Variants in NUDT21 observed in about 807,000 individuals in gnomAD.
NUDT21 encodes the protein cleavage and polyadenylation specificity factor subunit 5.
NUDT21 carries 5 observed loss-of-function variants against 29.8 expected under a neutral mutation model. The observed-to-expected ratio is 0.17, with a 90% CI of 0.09 to 0.35. The LOEUF (loss-of-function observed/expected upper bound fraction) is 0.35. Ranked by LOEUF, NUDT21 falls within the 10% of genes least tolerant of loss-of-function variation. NUDT21 has a pLI of 1.00. For missense variants in NUDT21, 76 were observed against 276.0 expected, an observed-to-expected ratio of 0.28 and a Z score of 5.13; for synonymous variants, 113 against 98.5, an observed-to-expected ratio of 1.15 and a Z score of -0.87.
chr16:56,440,000 T>C (rs190926502), intron 3 of NUDT21, among the ~76,000 whole-genome samples: 21 of 152,348 alleles, frequency 1.4e-4, no homozygotes, highest in Admixed American at 9.8e-4. Context: ...TTAATTTGTA[T>C]AGCAGAACAC....
At chr16:56,442,365 C>T (rs540850269) in intron 3 of NUDT21, among the ~76,000 whole-genome samples, 83 of 152,320 alleles carry the variant, frequency 5.4e-4, no homozygotes, top group African/African-American at 1.9e-3. Context: ...TTTACCCACA[C>T]ACTTGATTTA....
chr16:56,433,980 T>A (rs1220347857), intron 6 of NUDT21, among the ~76,000 whole-genome samples: 1 of 152,188 alleles, frequency 6.6e-6, no homozygotes, highest in Non-Finnish European at 1.5e-5. Context: ...AGCCACTACA[T>A]CCAGCCAATT....
chr16:56,444,045 T>G (rs1181492380), intron 3 of NUDT21, among the ~76,000 whole-genome samples: 1 of 152,116 alleles, frequency 6.6e-6, no homozygotes, highest in Non-Finnish European at 1.5e-5. Flanking sequence ...GTAATCCCAA[T>G]GCTTTGGGAG....
intron 1 of NUDT21, 91 bp downstream of exon 1, chr16:56,450,996 G>A (rs999145107): frequency 2.1e-5 from 22 of 1,063,244 alleles, no homozygotes; most frequent in Admixed American, 3.6e-5. Flanking sequence ...AGGTGCAGAG[G>A]CGTGAAGCGC....
At chr16:56,441,353 C>A (rs1263921929) in intron 3 of NUDT21, among the ~76,000 whole-genome samples, 6 of 152,204 alleles carry the variant, frequency 3.9e-5, no homozygotes, top group Non-Finnish European at 7.3e-5. Context: ...TCCCCTGCCT[C>A]AGCCTCCCGA....
intron 3 of NUDT21, among the ~76,000 whole-genome samples, chr16:56,444,235 G>A (rs1360454488): frequency 2.6e-5 from 4 of 152,022 alleles, no homozygotes; most frequent in Non-Finnish European, 2.9e-5. Context: ...AGTGAGCTAT[G>A]ATCACACCAC....
chr16:56,432,381 T>C lies in NUDT21; in HGVS notation c.*331A>G, dbSNP rs1567537104. 1 of 212,258 alleles carries C rather than the reference T, an allele frequency of 4.7e-6. No homozygotes were observed. Among genetic ancestry groups the C allele is most frequent in the Non-Finnish European group, 9.3e-6 (1 of 107,160 alleles). The allele number at this position is 212,258 out of a possible 1,614,324, so 13.1% of individuals were successfully genotyped here. ...TTAAACCTGTCATTGTGTTGCAACA[T>C]TCACCATCCTAAGGTGGGGGGAAAA... is the stretch of plus-strand genomic sequence containing the variant. On this transcript the variant is annotated 3_prime_UTR_variant, in exon 7 of 7. Coordinates refer to ENST00000300291, the MANE Select transcript of NUDT21 (RefSeq NM_007006.3).
At chr16:56,448,084 G>A in intron 1 of NUDT21, 95 bp from the exon 2 acceptor site, 1 of 1,036,326 alleles carries the variant, frequency 9.6e-7, no homozygotes, top group Non-Finnish European at 1.4e-6. Flanking sequence ...CAAAAAAAGT[G>A]CATATATTGT....
chr16:56,432,570 T>C lies in NUDT21; in HGVS notation c.*142A>G, dbSNP rs565509616. 2.9e-5 allele frequency: 15 copies of C among 515,848 alleles called. No individual in the cohort carries two copies. Among genetic ancestry groups the C allele is most frequent in the African/African-American group, 2.9e-4 (15 of 51,912 alleles). The allele number at this position is 515,848 out of a possible 1,614,324, so 32.0% of individuals were successfully genotyped here. A position where few individuals can be genotyped will look rare whatever the true frequency, so the allele number is the denominator to read the frequency against. On this transcript the variant is annotated 3_prime_UTR_variant, in exon 7 of 7. Transcript: ENST00000300291. ...CTAGTTCTTCATATTAATTTTACTA[T>C]TCAAACAATAGAAAGGTGGCAATTT...
intron 6 of NUDT21, among the ~76,000 whole-genome samples, chr16:56,433,220 CA>C (rs756836452): frequency 1.3e-4 from 20 of 152,202 alleles, no homozygotes; most frequent in Non-Finnish European, 2.2e-4. Context: ...TAAGCTTTCA[CA>C]AAAGGCCAAT....
At chr16:56,435,590 G>C (rs1203824799) in intron 4 of NUDT21, among the ~76,000 whole-genome samples, 1 of 148,084 alleles carries the variant, frequency 6.8e-6, no homozygotes, top group Non-Finnish European at 1.5e-5. Flanking sequence ...GCCAGGCGTG[G>C]TGGCGGGCGC....
At chr16:56,448,809 A>T (rs1253709024) in intron 1 of NUDT21, among the ~76,000 whole-genome samples, 1 of 152,218 alleles carries the variant, frequency 6.6e-6, no homozygotes, top group Non-Finnish European at 1.5e-5. Context: ...GCCTTTGAGT[A>T]CGAATTTAGG....
intron 6 of NUDT21, 35 bp from the exon 7 acceptor site, chr16:56,432,768 A>G: frequency 7.0e-7 from 1 of 1,432,720 alleles, no homozygotes; most frequent in South Asian, 1.2e-5. Flanking sequence ...TTTATTAAAG[A>G]CAGTACATAC....
At chr16:56,443,200 G>A (rs1406452443) in intron 3 of NUDT21, among the ~76,000 whole-genome samples, 2 of 149,906 alleles carry the variant, frequency 1.3e-5, no homozygotes, top group Admixed American at 6.6e-5. Context: ...TTTTTGAGAC[G>A]AAGTCTTGCT....
rs1962029111 is a variant in NUDT21, at chr16:56,431,116, T to C, written c.*1596A>G. The C allele has an allele frequency of 6.6e-6, 1 of 152,200 alleles. No individual in the cohort carries two copies. Among genetic ancestry groups the C allele is most frequent in the Non-Finnish European group, 1.5e-5 (1 of 68,028 alleles). 9.4% of individuals were successfully genotyped at this position (152,200 alleles called of 1,614,324 possible). ...AAGCAATCATGGAAGGTGAGCTGAA[T>C]CAATCCATCTTCATATCCACTTCCT... On this transcript the variant is annotated 3_prime_UTR_variant, in exon 7 of 7. Coordinates refer to ENST00000300291, the MANE Select transcript of NUDT21 (RefSeq NM_007006.3).
At chr16:56,441,862 G>A (rs913142489) in intron 3 of NUDT21, among the ~76,000 whole-genome samples, 8 of 151,998 alleles carry the variant, frequency 5.3e-5, no homozygotes, top group African/African-American at 1.9e-4. Context: ...AATATCAATT[G>A]TCAGTTATTC....
chr16:56,441,823 CATG>C (rs1962162698), intron 3 of NUDT21, among the ~76,000 whole-genome samples: 1 of 152,242 alleles, frequency 6.6e-6, no homozygotes, highest in African/African-American at 2.4e-5. Context: ...CCACATTCTC[CATG>C]ATAACTTAAA....
At chr16:56,436,734 G>A (rs1962107916) in intron 4 of NUDT21, among the ~76,000 whole-genome samples, 1 of 152,154 alleles carries the variant, frequency 6.6e-6, no homozygotes, top group Non-Finnish European at 1.5e-5. Flanking sequence ...TGGTCTTAAT[G>A]TTTAAGTTGA....
Position 56,439,757 on chromosome 16 carries a change from GAAAT to G in NUDT21, c.382-15_382-12del, listed in dbSNP as rs769246233. 1 of 1,606,288 alleles carries G rather than the reference GAAAT, an allele frequency of 6.2e-7. No individual in the cohort carries two copies. The highest frequency in any genetic ancestry group is 1.3e-5 in the African/African-American group (1 of 74,768). On this transcript the variant is annotated splice_polypyrimidine_tract_variant and intron_variant, in intron 3 of 6. Transcript: ENST00000300291. The stretch of plus-strand genomic sequence containing the variant: ...CTGACGACCCAGTATCTGTCAAAAA[GAAAT>G]AAGCCAGTAAACAACTAAATATATG...
Sources: allele counts gnomAD v4.1 joint callset (sites outside exome capture counted in the v4.1 genomes callset), GRCh38; gene constraint gnomAD v4.1.1; transcripts MANE v1.5; gene names NCBI Gene and HGNC (gene_info 2026-07-23, HGNC 2026-07-21).